The following USH2A variants were observed in gnomAD, a reference collection of about 807,000 sequenced individuals.
The protein encoded by USH2A is usherin.
Under a neutral mutation model 538.9 loss-of-function variants are expected in USH2A, and 443 were observed. That is an observed-to-expected ratio of 0.82 (90% CI 0.76 to 0.89). The LOEUF is 0.89. Ranked by LOEUF, USH2A falls within the 40% of genes least tolerant of loss-of-function variation. The probability of loss-of-function intolerance (pLI) is 0.00; values close to 1 mark genes in which losing one functional copy is unlikely to be tolerated. For synonymous variants in USH2A, 2,413 were observed against 2,273.5 expected (o/e 1.06, Z -1.75); for missense variants, 6,633 against 6,324.8 (o/e 1.05, Z -1.65).
rs932079242 is a variant in USH2A, at chr1:216,384,193, A to AT, written c.652-19109dup. 1.0e-3 allele frequency among the ~76,000 whole-genome samples: 154 copies of AT among 151,858 alleles called. 2 individuals carry two copies. The highest frequency in any genetic ancestry group is 3.6e-3 in the African/African-American group (148 of 41,536). On this transcript the variant is annotated intron_variant, in intron 3 of 71. Transcript: ENST00000307340. ...TGTGTACCCCAGAACTTAAAGTAGA[A>AT]TAAAAAAAATTTAAAATTATTTTTA...
rs1336602983 is a variant in USH2A, at chr1:215,854,486, T to C, written c.8846-8453A>G. On this transcript the variant is annotated intron_variant, in intron 44 of 71. Transcript: ENST00000307340. ...AACATACTGAAGCAGCATCATTGTC[T>C]GGGGTAAATATCCATGGTTCATCAT... Among the ~76,000 whole-genome samples, 6 of 152,198 alleles carry C rather than the reference T, an allele frequency of 3.9e-5. No individual in the cohort carries two copies. In the East Asian group the frequency reaches 9.6e-4, roughly 24 times the overall value.
intron 11 of USH2A, among the ~76,000 whole-genome samples, chr1:216,277,668 T>C (rs2036696719): frequency 6.6e-6 from 1 of 152,134 alleles, no homozygotes; most frequent in Non-Finnish European, 1.5e-5. Context: ...CAAATGTAGC[T>C]GCAAAGTGGT....
intron 36 of USH2A, 81 bp downstream of exon 36, chr1:215,970,544 T>C (rs2102458248): frequency 6.3e-7 from 1 of 1,579,704 alleles, no homozygotes. Context: ...AGAGGGTGAG[T>C]CACCGCCACT....
chr1:215,650,580 T>G lies in USH2A; in HGVS notation c.14343+12A>C. On this transcript the variant is annotated intron_variant, in intron 65 of 71. Transcript: ENST00000307340. ...AGTCAACCAGTCCTGGATTTTTAGC[T>G]CTGCTGCTCACCACTGTCTCAGCCC... is the stretch of plus-strand genomic sequence containing the variant. 1 of 1,614,118 alleles carries G rather than the reference T, an allele frequency of 6.2e-7. No homozygotes were observed. The highest frequency in any genetic ancestry group is 8.5e-7 in the Non-Finnish European group (1 of 1,179,974).
At chr1:215,957,551 G>T (rs1667099964) in intron 37 of USH2A, among the ~76,000 whole-genome samples, 1 of 152,078 alleles carries the variant, frequency 6.6e-6, no homozygotes, top group Admixed American at 6.6e-5. Context: ...ATGAGATAAA[G>T]CTGTACTTTC....
In USH2A at chr1:215,625,436, C is replaced by G. The variant is rs1655982484; in HGVS notation, c.*345G>C. The G allele has an allele frequency of 8.7e-6, 3 of 345,440 alleles. No homozygotes were observed. The Admixed American group carries it at 1.3e-4, about 15-fold the overall frequency. The allele number at this position is 345,440 out of a possible 1,614,324, so 21.4% of individuals were successfully genotyped here. A position where few individuals can be genotyped will look rare whatever the true frequency, so the allele number is the denominator to read the frequency against. On this transcript the variant is annotated 3_prime_UTR_variant, in exon 72 of 72. Transcript: ENST00000307340. ...TGAGCCAGTAACTAACTTACTACTT[C>G]TAACAACTGTGAGCCATCTTGAAAT...
chr1:215,685,359 T>G (rs1360810534), intron 61 of USH2A, among the ~76,000 whole-genome samples: 1 of 151,338 alleles, frequency 6.6e-6, no homozygotes, highest in East Asian at 1.9e-4. Context: ...TTGTTGTTTT[T>G]TTTTTTGAGA....
At chr1:216,318,856 A>G (rs2037554894) in intron 9 of USH2A, among the ~76,000 whole-genome samples, 1 of 152,214 alleles carries the variant, frequency 6.6e-6, no homozygotes, top group Non-Finnish European at 1.5e-5. Flanking sequence ...TTCTGAAACC[A>G]ATCATGAGCC....
At chr1:215,889,667 A>C (rs1485028673) in intron 40 of USH2A, among the ~76,000 whole-genome samples, 1 of 152,176 alleles carries the variant, frequency 6.6e-6, no homozygotes, top group Non-Finnish European at 1.5e-5. Flanking sequence ...AACAATGCAC[A>C]GATCTGACCT....
chr1:216,220,863 TAA>T (rs2035444493), intron 14 of USH2A, among the ~76,000 whole-genome samples: 1 of 152,078 alleles, frequency 6.6e-6, no homozygotes, highest in Admixed American at 6.5e-5. Context: ...TCTAACTTGC[TAA>T]TGGGGATGAT....
rs114094863 is a variant in USH2A at position 216,003,506 on chromosome 1, C to A, written c.6326-2944G>T. 8.4e-3 allele frequency among the ~76,000 whole-genome samples: 1,278 copies of A among 151,896 alleles called. 14 individuals are homozygous for A. The highest frequency in any genetic ancestry group is 1.0e-2 in the Admixed American group (152 of 15,252). ...GGGAAGGTGGCATTTTGAGCAAAGA[C>A]CTGAAGTGGGGATGAGTGTAAAAGT... On this transcript the variant is annotated intron_variant, in intron 32 of 71. Coordinates refer to ENST00000307340, the MANE Select transcript of USH2A (RefSeq NM_206933.4).
intron 38 of USH2A, among the ~76,000 whole-genome samples, chr1:215,908,547 C>A (rs893023621): frequency 2.0e-5 from 3 of 151,754 alleles, no homozygotes; most frequent in Non-Finnish European, 4.4e-5. Flanking sequence ...TTACACTACC[C>A]AGAGATAGCC....
chr1:216,200,802 AC>A (rs1463350410), intron 16 of USH2A, among the ~76,000 whole-genome samples: 1 of 152,178 alleles, frequency 6.6e-6, no homozygotes, highest in Non-Finnish European at 1.5e-5. Context: ...AGGACAGGAA[AC>A]ACACTGTAGG....
chr1:216,328,377 T>C (rs1242790511), intron 4 of USH2A, among the ~76,000 whole-genome samples: 1 of 152,142 alleles, frequency 6.6e-6, no homozygotes. Flanking sequence ...CAAATATTTT[T>C]TCAGAACTTA....
At chr1:215,794,288 G>T (rs1662061847) in intron 50 of USH2A, among the ~76,000 whole-genome samples, 1 of 152,206 alleles carries the variant, frequency 6.6e-6, no homozygotes, top group Non-Finnish European at 1.5e-5. Flanking sequence ...ATGTGATTTT[G>T]TTAAAGGGCT....
At chr1:215,741,234 A>C in intron 60 of USH2A, 141 bp downstream of exon 60, 1 of 1,042,402 alleles carries the variant, frequency 9.6e-7, no homozygotes, top group African/African-American at 1.6e-5. Flanking sequence ...AAACAAACAA[A>C]CATACAAAAC....
chr1:216,399,484 G>C (rs1254335678), intron 3 of USH2A, among the ~76,000 whole-genome samples: 1 of 151,986 alleles, frequency 6.6e-6, no homozygotes, highest in East Asian at 1.9e-4. Flanking sequence ...TTGTGAATTG[G>C]ACCCAGTTCA....
chr1:216,334,377 T>A (rs1265483489), intron 4 of USH2A, among the ~76,000 whole-genome samples: 1 of 151,972 alleles, frequency 6.6e-6, no homozygotes, highest in Non-Finnish European at 1.5e-5. Context: ...AGAAGATAAC[T>A]TTTTAACCCA....
chr1:216,382,221 T>C (rs950363919), intron 3 of USH2A, among the ~76,000 whole-genome samples: 5 of 152,096 alleles, frequency 3.3e-5, no homozygotes, highest in Non-Finnish European at 5.9e-5. Context: ...ATTGAGTAAA[T>C]TGCGATAATT....
Sources: gnomAD v4.1 joint callset for allele counts (sites outside exome capture counted in the v4.1 genomes callset) on GRCh38, gnomAD v4.1.1 for gene constraint, MANE v1.5 for transcripts, NCBI Gene and HGNC (gene_info 2026-07-23, HGNC 2026-07-21) for gene names.